BAG5: variants seen among roughly 807,000 people sequenced by gnomAD.
BAG5 encodes the protein BAG family molecular chaperone regulator 5.
Under a neutral mutation model 31.8 loss-of-function variants are expected in BAG5, and 25 were observed. The ratio of observed to expected loss-of-function variants is 0.79; its 90% CI spans 0.57 to 1.10. BAG5 has a LOEUF of 1.10. Among genes scored for constraint, BAG5 ranks in the 50% least tolerant of loss-of-function variants. The pLI is 0.00. For synonymous variants in BAG5, 208 were observed against 205.0 expected (o/e 1.01, Z -0.13); for missense variants, 491 against 527.9 (o/e 0.93, Z 0.68).
Position 103,557,120 on chromosome 14 carries a change from A to G in BAG5, c.*2701T>C, listed in dbSNP as rs1484662198. On this transcript the variant is annotated 3_prime_UTR_variant, in exon 2 of 2. Transcript: ENST00000299204. The stretch of plus-strand genomic sequence containing the variant: ...CATTTTTGGCATGAACATGGACTAC[A>G]GCGTTTAATGCAGACCCAAAGCCAC... The G allele has an allele frequency of 6.6e-6, 1 of 152,272 alleles. No homozygotes were observed. The highest frequency in any genetic ancestry group is 1.5e-5 in the Non-Finnish European group (1 of 68,052). 9.4% of individuals were successfully genotyped at this position (152,272 alleles called of 1,614,324 possible).
In BAG5 at chr14:103,560,579, C is replaced by A. The variant is rs2076065083; in HGVS notation, c.586G>T (p.Ala196Ser). ...INFVMCEVNK[A>S]RGVLIALLMG... is the part of the protein sequence containing the mutation. ...AGAAGTGCAATCAGGACCCCTCGGG[C>A]CTTGTTCACCTCACACATCACGAAG... The change falls in exon 2 of 2, where the codon GCC becomes TCC. Residue 196 changes from alanine (A) to serine (S), a missense_variant. Physicochemically the swap from Ala to Ser is moderately conservative, Grantham distance 99. Transcript: ENST00000299204. 6.2e-7 allele frequency: 1 copy of A among 1,614,118 alleles called. No individual in the cohort carries two copies.
In BAG5 at chr14:103,556,779, G is replaced by C. The variant is rs1040784271; in HGVS notation, c.*3042C>G. 1.8e-4 allele frequency: 27 copies of C among 151,778 alleles called. 1 individual carries two copies. Among genetic ancestry groups the C allele is most frequent in the Admixed American group, 1.6e-3 (24 of 15,246 alleles). The allele number at this position is 151,778 out of a possible 1,614,324, so 9.4% of individuals were successfully genotyped here. On this transcript the variant is annotated 3_prime_UTR_variant, in exon 2 of 2. Coordinates refer to ENST00000299204, the MANE Select transcript of BAG5 (RefSeq NM_001015048.3). ...GAGAAAAATACCCAACAAATTAAAA[G>C]GTGAAAAGCTGTGCTCAAAAAAAAA...
In BAG5 at chr14:103,559,410, A is replaced by T. The variant is rs1421278427; in HGVS notation, c.*411T>A. The T allele has an allele frequency of 2.3e-5, 4 of 177,684 alleles. No homozygotes were observed. The South Asian group carries it at 3.6e-4, about 16-fold the overall frequency. The allele number at this position is 177,684 out of a possible 1,614,324, so 11.0% of individuals were successfully genotyped here. A position where few individuals can be genotyped will look rare whatever the true frequency, so the allele number is the denominator to read the frequency against. ...ACAGAACATGTACTGCTTGTGTTTGAACCTTACTCTTATTTAACCAAAAAT... is the reference window on the plus strand; with the variant it reads ...ACAGAACATGTACTGCTTGTGTTTGTACCTTACTCTTATTTAACCAAAAAT... On this transcript the variant is annotated 3_prime_UTR_variant, in exon 2 of 2. Transcript: ENST00000299204.
At chr14:103,561,604 C>G (rs1040293084) in intron 1 of BAG5, among the ~76,000 whole-genome samples, 2 of 152,160 alleles carry the variant, frequency 1.3e-5, no homozygotes, top group African/African-American at 4.8e-5. Flanking sequence ...AAACTCTAAG[C>G]AAAAGAAAGA....
rs1465418715 is a variant in BAG5 at position 103,559,626 on chromosome 14, C to T, written c.*195G>A. On this transcript the variant is annotated 3_prime_UTR_variant, in exon 2 of 2. Coordinates refer to ENST00000299204, the MANE Select transcript of BAG5 (RefSeq NM_001015048.3). ...CACACCACATCATACAGATAATGAT[C>T]CGAATGGAAAAGTTAACGTGCTGTA... 11 of 658,194 alleles carry T rather than the reference C, an allele frequency of 1.7e-5. No homozygotes were observed. Among genetic ancestry groups the T allele is most frequent in the Non-Finnish European group, 2.7e-5 (11 of 405,014 alleles). 40.8% of individuals were successfully genotyped at this position (658,194 alleles called of 1,614,324 possible). A position where few individuals can be genotyped will look rare whatever the true frequency, so the allele number is the denominator to read the frequency against.
chr14:103,559,563 T>A lies in BAG5; in HGVS notation c.*258A>T, dbSNP rs2076056927. The A allele has an allele frequency of 1.0e-5, 4 of 388,566 alleles. No homozygotes were observed. Among genetic ancestry groups the A allele is most frequent in the Non-Finnish European group, 1.4e-5 (3 of 218,640 alleles). 24.1% of individuals were successfully genotyped at this position (388,566 alleles called of 1,614,324 possible). Reference sequence around the variant, plus strand: ...CAAAAGCTGCCTCTATTTTGTTTTCTGATTAAAAACGCAAAAAAAAGGACA... The same window carrying A: ...CAAAAGCTGCCTCTATTTTGTTTTCAGATTAAAAACGCAAAAAAAAGGACA... On this transcript the variant is annotated 3_prime_UTR_variant, in exon 2 of 2. Coordinates refer to ENST00000299204, the MANE Select transcript of BAG5 (RefSeq NM_001015048.3).
At chr14:103,562,209 T>C (rs2142265393) in intron 1 of BAG5, 1 of 588,828 alleles carries the variant, frequency 1.7e-6, no homozygotes, top group Non-Finnish European at 3.0e-6. Flanking sequence ...CCCAGCTGCA[T>C]GCCTCGCACC....
At chr14:103,561,749 G>A in intron 1 of BAG5, 1 of 609,814 alleles carries the variant, frequency 1.6e-6, no homozygotes, top group East Asian at 2.8e-5. Context: ...TCTCCCTGAA[G>A]AGATTAAAAC....
Position 103,559,592 on chromosome 14 carries a change from C to A in BAG5, c.*229G>T. The A allele has an allele frequency of 2.0e-6, 1 of 499,112 alleles. No homozygotes were observed. The highest frequency in any genetic ancestry group is 3.3e-6 in the Non-Finnish European group (1 of 300,174). The allele number at this position is 499,112 out of a possible 1,614,324, so 30.9% of individuals were successfully genotyped here. On this transcript the variant is annotated 3_prime_UTR_variant, in exon 2 of 2. Transcript: ENST00000299204. ...TAAAAACGCAAAAAAAAGGACAAACCAAACAAACCACACCACATCATACAG... is the reference window on the plus strand; with the variant it reads ...TAAAAACGCAAAAAAAAGGACAAACAAAACAAACCACACCACATCATACAG...
At position 103,557,328 on chromosome 14, in the gene BAG5, T is replaced by A. The variant is rs2076044363; in HGVS notation, c.*2493A>T. On this transcript the variant is annotated 3_prime_UTR_variant, in exon 2 of 2. Transcript: ENST00000299204. Reference sequence around the variant, plus strand: ...GTGTCAACAGGGTTCATTGCAGGAGTAGAATAATCCGGTACAAGGAACGAG... The same window carrying A: ...GTGTCAACAGGGTTCATTGCAGGAGAAGAATAATCCGGTACAAGGAACGAG... 1 of 151,930 alleles carries A rather than the reference T, an allele frequency of 6.6e-6. No homozygotes were observed. Among genetic ancestry groups the A allele is most frequent in the Non-Finnish European group, 1.5e-5 (1 of 68,000 alleles). The allele number at this position is 151,930 out of a possible 1,614,324, so 9.4% of individuals were successfully genotyped here.
At position 103,559,878 on chromosome 14, in the gene BAG5, C is replaced by T. The variant is rs1395606187; in HGVS notation, c.1287G>A (p.Arg429=). 2 of 1,614,058 alleles carry T rather than the reference C, an allele frequency of 1.2e-6. No homozygotes were observed. Among genetic ancestry groups the T allele is most frequent in the Admixed American group, 1.7e-5 (1 of 60,008 alleles). Residue 429 remains arginine, a synonymous_variant, in exon 2 of 2, where the codon AGG becomes AGA. Coordinates refer to ENST00000299204, the MANE Select transcript of BAG5 (RefSeq NM_001015048.3). ...GATAGCTGAGAATATTCTGCGCAAG[C>T]CTCACAGCTTGTTTCCTGGCAGCCT... ...KCKAARKQAV[R]LAQNILSYLD...
rs2076077870 is a variant in BAG5, at chr14:103,561,822, CCAACACCTCCT to C, written c.-28-641_-28-631del. The C allele has an allele frequency of 4.1e-6, 4 of 967,574 alleles. No individual in the cohort carries two copies. The African/African-American group carries it at 6.5e-5, about 16-fold the overall frequency. The allele number at this position is 967,574 out of a possible 1,614,324, so 59.9% of individuals were successfully genotyped here. A position where few individuals can be genotyped will look rare whatever the true frequency, so the allele number is the denominator to read the frequency against. On this transcript the variant is annotated intron_variant, in intron 1 of 1. Coordinates refer to ENST00000299204, the MANE Select transcript of BAG5 (RefSeq NM_001015048.3). ...GGGCACCACCTTGGGCTTTCGAGGC[CCAACACCTCCT>C]CAGCCCCCAACATGCTCCACTCTCT...
At chr14:103,562,210 G>A (rs899940736) in intron 1 of BAG5, 3 of 588,252 alleles carry the variant, frequency 5.1e-6, no homozygotes, top group Non-Finnish European at 9.1e-6. Flanking sequence ...CCAGCTGCAT[G>A]CCTCGCACCC....
At position 103,559,767 on chromosome 14, in the gene BAG5, C is replaced by G. The variant is rs75414319; in HGVS notation, c.*54G>C. On this transcript the variant is annotated 3_prime_UTR_variant, in exon 2 of 2. Coordinates refer to ENST00000299204, the MANE Select transcript of BAG5 (RefSeq NM_001015048.3). ...ATCAATGAACTGAAAGCTCTCTATA[C>G]ATAGAAGCACATATGAAGTGCAAAA... is the stretch of plus-strand genomic sequence containing the variant. The G allele has an allele frequency of 7.9e-4, 1,231 of 1,561,280 alleles. 13 individuals are homozygous for G. The East Asian group carries it at 0.018, about 23-fold the overall frequency.
intron 1 of BAG5, 85 bp from the exon 2 acceptor site, chr14:103,561,277 C>A: frequency 7.1e-7 from 1 of 1,413,044 alleles, no homozygotes; most frequent in Non-Finnish European, 9.5e-7. Flanking sequence ...CTAAAATTCT[C>A]ATTTTAAAAA....
chr14:103,558,907 C>T lies in BAG5; in HGVS notation c.*914G>A, dbSNP rs1410257019. 2.6e-5 allele frequency: 4 copies of T among 152,162 alleles called. No homozygotes were observed. The highest frequency in any genetic ancestry group is 9.7e-5 in the African/African-American group (4 of 41,426). 9.4% of individuals were successfully genotyped at this position (152,162 alleles called of 1,614,324 possible). On this transcript the variant is annotated 3_prime_UTR_variant, in exon 2 of 2. Coordinates refer to ENST00000299204, the MANE Select transcript of BAG5 (RefSeq NM_001015048.3). ...GACAACAGAAGAGAACCATTATGTG[C>T]TACATTCAGACTTTCTGATTTAGTT...
rs1469055721 is a variant in BAG5, at chr14:103,557,543, C to T, written c.*2278G>A. The T allele has an allele frequency of 1.3e-5, 2 of 152,156 alleles. No homozygotes were observed. Among genetic ancestry groups the T allele is most frequent in the Non-Finnish European group, 2.9e-5 (2 of 68,038 alleles). 9.4% of individuals were successfully genotyped at this position (152,156 alleles called of 1,614,324 possible). ...ACTTGTTTGAAAAGAATGACTGAAA[C>T]GTCTACTTTCAAAGAACAATGGACA... On this transcript the variant is annotated 3_prime_UTR_variant, in exon 2 of 2. Transcript: ENST00000299204.
In BAG5 at chr14:103,559,295, GAACA is replaced by G. The variant is rs2076055190; in HGVS notation, c.*522_*525del. On this transcript the variant is annotated 3_prime_UTR_variant, in exon 2 of 2. Transcript: ENST00000299204. ...ATGTTTACAAAAGAACAGACTGTCT[GAACA>G]AACAAAAAAACCCCACCCCGTTAAG... 1 of 152,098 alleles carries G rather than the reference GAACA, an allele frequency of 6.6e-6. No individual in the cohort carries two copies. The highest frequency in any genetic ancestry group is 2.4e-5 in the African/African-American group (1 of 41,374). The allele number at this position is 152,098 out of a possible 1,614,324, so 9.4% of individuals were successfully genotyped here.
chr14:103,561,846 T>G, intron 1 of BAG5: 1 of 1,203,836 alleles, frequency 8.3e-7, no homozygotes. Context: ...GCCCCCAACA[T>G]GCTCCACTCT....
Sources: allele counts gnomAD v4.1 joint callset (sites outside exome capture counted in the v4.1 genomes callset), GRCh38; gene constraint gnomAD v4.1.1; transcripts MANE v1.5; gene names NCBI Gene and HGNC (gene_info 2026-07-23, HGNC 2026-07-21).